The following ZNF726 variants were observed in gnomAD, a reference collection of about 807,000 sequenced individuals.
The protein encoded by ZNF726 is zinc finger protein 726.
Under a neutral mutation model 11.6 loss-of-function variants are expected in ZNF726, and 15 were observed. That is an observed-to-expected ratio of 1.29 (90% CI 0.86 to 1.99). The LOEUF is 1.99. ZNF726 is among the 30% of genes most tolerant of loss of function. The pLI is 0.00. For synonymous variants in ZNF726, 295 were observed against 243.6 expected (o/e 1.21, Z -1.96); for missense variants, 890 against 725.6 (o/e 1.23, Z -2.60).
At chr19:23,922,910 C>T (rs910558229) in intron 3 of ZNF726, among the ~76,000 whole-genome samples, 31 of 150,120 alleles carry the variant, frequency 2.1e-4, no homozygotes, top group Admixed American at 1.3e-3. Flanking sequence ...AGGGGATAAG[C>T]AAATAGGTCA....
chr19:23,931,183 A>T (rs2144985654), intron 3 of ZNF726, among the ~76,000 whole-genome samples: 1 of 152,316 alleles, frequency 6.6e-6, no homozygotes, highest in East Asian at 1.9e-4. Flanking sequence ...CCTGTTAGCC[A>T]GGATGGTCTT....
chr19:23,915,360 G>A (rs1416024310), intron 1 of ZNF726, among the ~76,000 whole-genome samples: 1 of 152,044 alleles, frequency 6.6e-6, no homozygotes, highest in East Asian at 1.9e-4. Flanking sequence ...TGGTCCGTGG[G>A]GTTTTCAGGC....
At chr19:23,915,872 GC>G (rs2144951443) in intron 1 of ZNF726, among the ~76,000 whole-genome samples, 1 of 152,212 alleles carries the variant, frequency 6.6e-6, no homozygotes, top group African/African-American at 2.4e-5. Flanking sequence ...GTGAGCCACT[GC>G]CCCCGTCCTA....
intron 3 of ZNF726, among the ~76,000 whole-genome samples, chr19:23,926,695 A>T (rs1967997304): frequency 6.6e-6 from 1 of 152,018 alleles, no homozygotes. Context: ...TAATTTTTTG[A>T]AAAGATTATC....
intron 1 of ZNF726, among the ~76,000 whole-genome samples, chr19:23,917,368 A>G (rs1380489567): frequency 1.3e-5 from 2 of 152,212 alleles, no homozygotes; most frequent in African/African-American, 2.4e-5. Context: ...TTACTTGTTG[A>G]AAACTTTTAC....
chr19:23,919,541 G>A (rs774213297), intron 2 of ZNF726, 42 bp downstream of exon 2: 2 of 1,529,144 alleles, frequency 1.3e-6, no homozygotes, highest in South Asian at 1.2e-5. Context: ...ATAAACTAAA[G>A]CTTTTATTTT....
At position 23,931,735 on chromosome 19, in the gene ZNF726, A is replaced by G. The variant is rs1287534905; in HGVS notation, c.227-608A>G. Among the ~76,000 whole-genome samples, 3 of 152,118 alleles carry G rather than the reference A, an allele frequency of 2.0e-5. No homozygotes were observed. In the East Asian group the frequency reaches 5.8e-4, roughly 29 times the overall value. On this transcript the variant is annotated intron_variant, in intron 3 of 3. Transcript: ENST00000594466. ...GTCTGAAATTTTGTGTTCAGTTTTT[A>G]GTTAAGAGAGTTTATTCATATTACT...
At chr19:23,942,650 G>A (rs914787114) in intron 3 of ZNF726, among the ~76,000 whole-genome samples, 3 of 152,134 alleles carry the variant, frequency 2.0e-5, no homozygotes, top group African/African-American at 7.2e-5. Flanking sequence ...CCAGTGTTAG[G>A]TGCATATATG....
chr19:23,919,541 G>C, intron 2 of ZNF726, 42 bp downstream of exon 2: 1 of 1,529,144 alleles, frequency 6.5e-7, no homozygotes, highest in Non-Finnish European at 8.7e-7. Context: ...ATAAACTAAA[G>C]CTTTTATTTT....
chr19:23,940,584 A>G (rs900836430), intron 3 of ZNF726, among the ~76,000 whole-genome samples: 18 of 152,158 alleles, frequency 1.2e-4, no homozygotes, highest in African/African-American at 3.9e-4. Context: ...TTTAGGCAGT[A>G]TGGTCATTTC....
intron 3 of ZNF726, among the ~76,000 whole-genome samples, chr19:23,939,862 A>ATTTTTTTTTTTTTTTT (rs374902806): frequency 9.5e-4 from 83 of 87,122 alleles, no homozygotes; most frequent in African/African-American, 2.0e-3. Context: ...TTTTGATGGG[A>ATTTTTTTTTTTTTTTT]TTTTTTTTTT....
chr19:23,942,129 G>A (rs369370205), intron 3 of ZNF726, among the ~76,000 whole-genome samples: 3 of 151,944 alleles, frequency 2.0e-5, no homozygotes, highest in Non-Finnish European at 4.4e-5. Context: ...TACCATCTTC[G>A]CTGTATCCAA....
chr19:23,931,427 G>C (rs1968102789), intron 3 of ZNF726, among the ~76,000 whole-genome samples: 1 of 151,840 alleles, frequency 6.6e-6, no homozygotes, highest in South Asian at 2.1e-4. Flanking sequence ...TTCCATACTT[G>C]TCTCTGTTCC....
Position 23,932,694 on chromosome 19 carries a change from GCATATATACTA to G in ZNF726, c.581_591del (p.Ile194ArgfsTer7). ...TTTTCACACAAAACCCAGCATAAAA[GCATATATACTA>G]CAGAGAAGTCCTACAAATGTAAAGA... On this transcript the variant is annotated frameshift_variant, in exon 4 of 4. Transcript: ENST00000594466. LOFTEE classifies it low-confidence loss of function (END_TRUNC). 1 of 1,598,236 alleles carries G rather than the reference GCATATATACTA, an allele frequency of 6.3e-7. No individual in the cohort carries two copies. The highest frequency in any genetic ancestry group is 8.5e-7 in the Non-Finnish European group (1 of 1,175,456).
chr19:23,921,482 A>G (rs991453247), intron 3 of ZNF726: 5 of 152,174 alleles, frequency 3.3e-5, no homozygotes, highest in African/African-American at 9.7e-5. Context: ...ATCACCTTAG[A>G]TAATATGGCA....
chr19:23,937,364 C>T (rs900445114), downstream of ZNF726, among the ~76,000 whole-genome samples: 106 of 151,274 alleles, frequency 7.0e-4, no homozygotes, highest in South Asian at 2.1e-3. Context: ...GGCTGCTGGG[C>T]GGAGGGGCTC....
In ZNF726 at chr19:23,933,156, C is replaced by T. The variant is rs139554510; in HGVS notation, c.1040C>T (p.Ala347Val). Residue 347 changes from alanine to valine, a missense_variant, in exon 4 of 4, where the codon GCC (alanine) becomes GTC (valine). Transcript: ENST00000594466. ...GEKPYKCEEC[A>V]KAFSQFGHLT... ...AAACCCTACAAATGTGAAGAATGTG[C>T]CAAAGCTTTTAGCCAATTCGGACAC... 4 of 1,590,896 alleles carry T rather than the reference C, an allele frequency of 2.5e-6. No individual in the cohort carries two copies. The highest frequency in any genetic ancestry group is 3.4e-5 in the Admixed American group (2 of 58,596).
At chr19:23,924,937 T>A (rs1050019736) in intron 3 of ZNF726, among the ~76,000 whole-genome samples, 1 of 152,200 alleles carries the variant, frequency 6.6e-6, no homozygotes, top group Non-Finnish European at 1.5e-5. Context: ...TATATTCACA[T>A]TGTTATGCAA....
chr19:23,931,927 C>T (rs1426096611), intron 3 of ZNF726, among the ~76,000 whole-genome samples: 1 of 151,958 alleles, frequency 6.6e-6, no homozygotes, highest in Non-Finnish European at 1.5e-5. Context: ...AAAACAGTGT[C>T]CAAAAAAAGC....
Sources: gnomAD v4.1 joint callset for allele counts (sites outside exome capture counted in the v4.1 genomes callset) on GRCh38, gnomAD v4.1.1 for gene constraint, MANE v1.5 for transcripts, NCBI Gene and HGNC (gene_info 2026-07-23, HGNC 2026-07-21) for gene names.